FAH: variants seen among roughly 807,000 people sequenced by gnomAD.
The protein encoded by FAH is fumarylacetoacetate hydrolase.
Under a neutral mutation model 55.8 loss-of-function variants are expected in FAH, and 47 were observed. The ratio of observed to expected loss-of-function variants is 0.84; its 90% confidence interval spans 0.67 to 1.07. The LOEUF (loss-of-function observed/expected upper bound fraction) is 1.07. Among genes scored for constraint, FAH ranks in the 50% least tolerant of loss-of-function variants. FAH has a pLI of 0.00. For missense variants in FAH, 495 were observed against 545.9 expected, an observed-to-expected ratio of 0.91 and a Z score of 0.93; for synonymous variants, 199 against 207.7, an observed-to-expected ratio of 0.96 and a Z score of 0.36.
rs768607828 is a variant in FAH, at chr15:80,172,137, C to A, written c.607-12C>A. On this transcript the variant is annotated splice_polypyrimidine_tract_variant and intron_variant, in intron 7 of 13. Transcript: ENST00000561421. ...TCAGCTCCAGATTCTAATGAACTCT[C>A]CCCCATGTAAGGCTTTTTTTGTAGG... is the stretch of plus-strand genomic sequence containing the variant. 6.2e-7 allele frequency: 1 copy of A among 1,600,330 alleles called. No individual in the cohort carries two copies. Among genetic ancestry groups the A allele is most frequent in the South Asian group, 1.1e-5 (1 of 90,770 alleles).
At chr15:80,154,885 C>T (rs1461754706) in intron 1 of FAH, among the ~76,000 whole-genome samples, 1 of 152,052 alleles carries the variant, frequency 6.6e-6, no homozygotes, top group Non-Finnish European at 1.5e-5. Context: ...CCTCTGAGAA[C>T]GGGGTTGTAG....
intron 1 of FAH, 143 bp from the exon 2 acceptor site, chr15:80,157,917 G>C (rs1389242055): frequency 8.4e-6 from 6 of 710,890 alleles, no homozygotes; most frequent in African/African-American, 7.0e-5. Context: ...AGGATGCTGA[G>C]AACATGGTTC....
Position 80,153,069 on chromosome 15 carries a change from G to A in FAH, c.15G>A (p.Pro5=), listed in dbSNP as rs1380504097. Residue 5 remains proline (P), a synonymous_variant, in exon 1 of 14, where the codon CCG becomes CCA. Coordinates refer to ENST00000561421, the MANE Select transcript of FAH (RefSeq NM_000137.4). ...TGCTCTTCAGCATGTCCTTCATCCC[G>A]GTGGCCGAGGATTCCGACTTCCCCA... The part of the protein sequence containing the change: MSFI[P]VAEDSDFPIH... 6.2e-7 allele frequency: 1 copy of A among 1,613,704 alleles called. No individual in the cohort carries two copies. The highest frequency in any genetic ancestry group is 1.7e-5 in the Admixed American group (1 of 60,024).
intron 13 of FAH, among the ~76,000 whole-genome samples, chr15:80,184,162 G>A (rs748504667): frequency 2.0e-5 from 3 of 152,188 alleles, no homozygotes; most frequent in Non-Finnish European, 2.9e-5. Flanking sequence ...GCATTTGCAC[G>A]GATGGCTCTG....
At chr15:80,159,131 G>A (rs1454199766) in intron 2 of FAH, among the ~76,000 whole-genome samples, 2 of 152,030 alleles carry the variant, frequency 1.3e-5, no homozygotes, top group East Asian at 1.9e-4. Flanking sequence ...CCAGCTACTC[G>A]GGAGGCTGAG....
rs139282390 is a variant in FAH, at chr15:80,156,177, C to T, written c.82-1883C>T. On this transcript the variant is annotated intron_variant, in intron 1 of 13. Coordinates refer to ENST00000561421, the MANE Select transcript of FAH (RefSeq NM_000137.4). ...CTGGCGTTACCGCTTGACCAAGGAG[C>T]GCTCAAGCGGCCCTTATGCGGGTGT... The T allele has an allele frequency of 1.7e-3, 393 of 231,476 alleles. 3 individuals are homozygous for T. The highest frequency in any genetic ancestry group is 8.5e-3 in the African/African-American group (371 of 43,606). 14.3% of individuals were successfully genotyped at this position (231,476 alleles called of 1,614,324 possible).
At chr15:80,174,592 A>G (rs1353355370) in intron 9 of FAH, among the ~76,000 whole-genome samples, 1 of 152,188 alleles carries the variant, frequency 6.6e-6, no homozygotes, top group South Asian at 2.1e-4. Context: ...AGCTGGCTCC[A>G]GCACCAGCCA....
rs1469141489 is a variant in FAH, at chr15:80,159,841, A to C, written c.278A>C (p.Gln93Pro). ...TTGCAGAACTTGCTGTCTGTGAGCC[A>C]AGCCAGGCTCAGAGATGACACCGAA... ...VFLQNLLSVS[Q>P]ARLRDDTELR... The change falls in exon 3 of 14, where the codon CAA becomes CCA. Residue 93 changes from glutamine to proline, a missense_variant. Coordinates refer to ENST00000561421, the MANE Select transcript of FAH (RefSeq NM_000137.4). The C allele has an allele frequency of 6.2e-7, 1 of 1,614,232 alleles. No individual in the cohort carries two copies. The highest frequency in any genetic ancestry group is 8.5e-7 in the Non-Finnish European group (1 of 1,180,022).
chr15:80,159,437 G>A lies in FAH; in HGVS notation c.193-319G>A, dbSNP rs567971040. ...GGCTGTGATCACTCTGCAGACTGGA[G>A]TGTGCCTCTACTGGAAGAACATGGC... On this transcript the variant is annotated intron_variant, in intron 2 of 13. Coordinates refer to ENST00000561421, the MANE Select transcript of FAH (RefSeq NM_000137.4). 8.5e-5 allele frequency among the ~76,000 whole-genome samples: 13 copies of A among 152,262 alleles called. No homozygotes were observed. The South Asian group carries it at 1.9e-3, about 22-fold the overall frequency.
In FAH at chr15:80,153,027, C is replaced by T. The variant is rs748799603; in HGVS notation, c.-28C>T. The T allele has an allele frequency of 1.2e-6, 2 of 1,604,598 alleles. No homozygotes were observed. Among genetic ancestry groups the T allele is most frequent in the Admixed American group, 1.7e-5 (1 of 60,030 alleles). ...CCTGCTCTCCGCACGCCACCTTAGG[C>T]CCGCAGCCGTGCCGGGTGCTCTTCA... On this transcript the variant is annotated 5_prime_UTR_variant, in exon 1 of 14. Transcript: ENST00000561421.
intron 13 of FAH, among the ~76,000 whole-genome samples, chr15:80,182,144 C>T (rs2041336276): frequency 6.6e-6 from 1 of 152,200 alleles, no homozygotes; most frequent in Non-Finnish European, 1.5e-5. Context: ...CCACATCACA[C>T]TGATCTCTGC....
At chr15:80,180,101 C>T in intron 11 of FAH, 23 bp from the exon 12 acceptor site, 2 of 1,588,122 alleles carry the variant, frequency 1.3e-6, no homozygotes, top group Non-Finnish European at 1.7e-6. Flanking sequence ...CTGCTCATTC[C>T]ACCTCGCGTC....
At chr15:80,186,935 C>T (rs2041376022), downstream of FAH, 1 of 156,900 alleles carries the variant, frequency 6.4e-6, no homozygotes, top group African/African-American at 2.4e-5. Context: ...ATACAGAAAA[C>T]TGCCCATCAC....
At chr15:80,152,953 G>A, upstream of FAH, 2 of 1,022,380 alleles carry the variant, frequency 2.0e-6, no homozygotes, top group Non-Finnish European at 1.5e-6. Flanking sequence ...AGGCCGTGGG[G>A]GCGGGCAGGG....
chr15:80,159,680 T>C (rs763194667), intron 2 of FAH, 76 bp from the exon 3 acceptor site: 1 of 1,565,518 alleles, frequency 6.4e-7, no homozygotes, highest in Non-Finnish European at 8.8e-7. Flanking sequence ...GCAGGCTGGC[T>C]GGCCTTCCAT....
Position 80,159,764 on chromosome 15 carries a change from C to A in FAH, c.201C>A (p.Leu67=). Residue 67 remains leucine (L), a synonymous_variant, in exon 3 of 14, where the codon CTC becomes CTA. Transcript: ENST00000561421. The part of the protein sequence containing the change: ...KHQDVFNQPT[L]NSFMGLGQAA... ...CCCTGTTTTGGTCTTAGCCTACACT[C>A]AACAGCTTCATGGGCCTGGGTCAGG... 6.2e-7 allele frequency: 1 copy of A among 1,614,196 alleles called. No individual in the cohort carries two copies. The highest frequency in any genetic ancestry group is 8.5e-7 in the Non-Finnish European group (1 of 1,180,034).
intron 9 of FAH, 38 bp from the exon 10 acceptor site, chr15:80,174,978 C>A (rs760610078): frequency 1.2e-6 from 2 of 1,601,178 alleles, no homozygotes; most frequent in South Asian, 2.2e-5. Flanking sequence ...GCTCAGCCCA[C>A]CTGCCAGTGA....
chr15:80,176,014 TTTC>T (rs760141521), intron 10 of FAH, among the ~76,000 whole-genome samples: 36 of 152,098 alleles, frequency 2.4e-4, no homozygotes, highest in Non-Finnish European at 4.4e-4. Flanking sequence ...TTTCTTTTCT[TTTC>T]TTCTTTTTTT....
At chr15:80,167,800 G>A (rs1330243444) in intron 5 of FAH, among the ~76,000 whole-genome samples, 1 of 152,126 alleles carries the variant, frequency 6.6e-6, no homozygotes, top group Non-Finnish European at 1.5e-5. Context: ...CCAAAGTGCT[G>A]GGATTACAGG....
Sources: gnomAD v4.1 joint callset for allele counts (sites outside exome capture counted in the v4.1 genomes callset) on GRCh38, gnomAD v4.1.1 for gene constraint, MANE v1.5 for transcripts, NCBI Gene and HGNC (gene_info 2026-07-23, HGNC 2026-07-21) for gene names.